The following NEK6 variants were observed in gnomAD, a reference collection of about 807,000 sequenced individuals.
NEK6 encodes serine/threonine-protein kinase Nek6.
NEK6 carries 27 observed loss-of-function variants against 43.5 expected under a neutral mutation model. That is an observed-to-expected ratio of 0.62 (90% CI 0.46 to 0.86). The LOEUF (loss-of-function observed/expected upper bound fraction) is 0.86. Ranked by LOEUF, NEK6 falls within the 40% of genes least tolerant of loss-of-function variation. The probability of loss-of-function intolerance (pLI) is 0.00; values close to 1 mark genes in which losing one functional copy is unlikely to be tolerated. For missense variants in NEK6, 318 were observed against 414.4 expected, an observed-to-expected ratio of 0.77 and a Z score of 2.02; for synonymous variants, 167 against 164.1, an observed-to-expected ratio of 1.02 and a Z score of -0.14.
At chr9:124,300,667 C>T (rs748050713) in intron 1 of NEK6, among the ~76,000 whole-genome samples, 9 of 152,112 alleles carry the variant, frequency 5.9e-5, no homozygotes, top group Non-Finnish European at 1.2e-4. Flanking sequence ...ACCAGAGGTT[C>T]CTTCTCAGAC....
At chr9:124,307,284 T>A (rs1833302033) in intron 2 of NEK6, among the ~76,000 whole-genome samples, 1 of 152,134 alleles carries the variant, frequency 6.6e-6, no homozygotes, top group African/African-American at 2.4e-5. Context: ...GGGGGGTAGC[T>A]ATAGTGGTCT....
At chr9:124,282,049 G>A (rs950741265) in intron 1 of NEK6, among the ~76,000 whole-genome samples, 7 of 152,210 alleles carry the variant, frequency 4.6e-5, no homozygotes, top group Admixed American at 2.0e-4. Context: ...CCTGGTGTGC[G>A]GTGGGGCGTA....
chr9:124,308,185 A>G (rs1398454708), intron 2 of NEK6, among the ~76,000 whole-genome samples: 1 of 152,338 alleles, frequency 6.6e-6, no homozygotes, highest in Admixed American at 6.5e-5. Context: ...GGGAAGTGGC[A>G]GAATTGAGGT....
At chr9:124,335,882 G>A (rs1564656929) in intron 7 of NEK6, among the ~76,000 whole-genome samples, 1 of 152,234 alleles carries the variant, frequency 6.6e-6, no homozygotes, top group Non-Finnish European at 1.5e-5. Flanking sequence ...GACCAATGTG[G>A]GAGGATCGCT....
chr9:124,289,087 C>A (rs1832284904), intron 1 of NEK6, among the ~76,000 whole-genome samples: 1 of 151,558 alleles, frequency 6.6e-6, no homozygotes, highest in Admixed American at 6.6e-5. Flanking sequence ...CTTAAGTGAT[C>A]CTTCCATCTC....
chr9:124,336,687 G>A (rs144480647), intron 7 of NEK6, among the ~76,000 whole-genome samples: 1 of 152,268 alleles, frequency 6.6e-6, no homozygotes, highest in East Asian at 1.9e-4. Context: ...CCAGGCCAGT[G>A]AAAATGTTCT....
intron 3 of NEK6, among the ~76,000 whole-genome samples, chr9:124,313,662 G>A (rs547051723): frequency 1.3e-5 from 2 of 152,246 alleles, no homozygotes; most frequent in Non-Finnish European, 2.9e-5. Context: ...TGCCTGGCCC[G>A]CCCTCTCCAT....
chr9:124,258,416 G>C (rs866897490), intron 1 of NEK6: 15 of 908,250 alleles, frequency 1.7e-5, no homozygotes, highest in Non-Finnish European at 2.0e-5. Context: ...TCCCGAGTGG[G>C]GACGACGGGC....
In NEK6 at chr9:124,275,606, C is replaced by T. The variant is rs575635622; in HGVS notation, c.-30+17521C>T. Among the ~76,000 whole-genome samples, 1 of 152,224 alleles carries T rather than the reference C, an allele frequency of 6.6e-6. No homozygotes were observed. The highest frequency in any genetic ancestry group is 1.5e-5 in the Non-Finnish European group (1 of 68,034). On this transcript the variant is annotated intron_variant, in intron 1 of 9. Coordinates refer to ENST00000320246, the MANE Select transcript of NEK6 (RefSeq NM_014397.6). The surrounding 1 kb of genome is among the most constrained non-coding windows in gnomAD (Gnocchi z 4.4). ...CTGCTTAGAAACCCCTGCTTGGTGC[C>T]TCCATAGCCCCTTCTGCATCTTCCC... is the stretch of plus-strand genomic sequence containing the variant.
At chr9:124,315,273 A>C (rs1833757292) in intron 4 of NEK6, among the ~76,000 whole-genome samples, 1 of 152,210 alleles carries the variant, frequency 6.6e-6, no homozygotes, top group Admixed American at 6.5e-5. Flanking sequence ...GGCCGAAGTG[A>C]GCCTTCTTCC....
intron 1 of NEK6, among the ~76,000 whole-genome samples, chr9:124,293,384 C>T (rs1005013645): frequency 6.6e-6 from 1 of 152,184 alleles, no homozygotes; most frequent in South Asian, 2.1e-4. Context: ...AGGCTGGGAG[C>T]GGACCCAGCC....
chr9:124,347,642 T>G (rs1336739097), intron 8 of NEK6, 67 bp from the exon 9 acceptor site: 5 of 1,020,676 alleles, frequency 4.9e-6, no homozygotes, highest in East Asian at 2.6e-5. Flanking sequence ...TGGAGCAGCC[T>G]CCTCCTCTCT....
intron 1 of NEK6, among the ~76,000 whole-genome samples, chr9:124,299,425 A>G (rs1001080014): frequency 1.3e-5 from 2 of 152,106 alleles, no homozygotes; most frequent in African/African-American, 4.8e-5. Context: ...TCTCTCTCAT[A>G]TTCCCCCTAA....
chr9:124,310,105 A>G (rs536337234), intron 2 of NEK6, among the ~76,000 whole-genome samples: 78 of 152,304 alleles, frequency 5.1e-4, no homozygotes, highest in Middle Eastern at 3.4e-3. Context: ...CCCACCCGAT[A>G]CGGAGCAAGA....
intron 9 of NEK6, among the ~76,000 whole-genome samples, chr9:124,348,333 C>T (rs892575619): frequency 6.6e-6 from 1 of 152,154 alleles, no homozygotes; most frequent in Admixed American, 6.5e-5. Flanking sequence ...CTGCGGGAGC[C>T]GTGGACACAG....
chr9:124,288,086 G>A (rs546495504), intron 1 of NEK6, among the ~76,000 whole-genome samples: 2 of 152,354 alleles, frequency 1.3e-5, no homozygotes, highest in Admixed American at 1.3e-4. Flanking sequence ...CCTCCCAAAA[G>A]GCGGATCCCC....
intron 4 of NEK6, 74 bp from the exon 5 acceptor site, chr9:124,321,385 G>A: frequency 4.4e-6 from 4 of 905,158 alleles, no homozygotes; most frequent in Non-Finnish European, 5.3e-6. Flanking sequence ...CCAGCAGGGT[G>A]CCGGTGGCAG....
chr9:124,320,671 G>C (rs1186137017), intron 4 of NEK6, among the ~76,000 whole-genome samples: 4 of 152,318 alleles, frequency 2.6e-5, no homozygotes, highest in Middle Eastern at 6.8e-3. Context: ...AGCCAGGGGG[G>C]CACCGTTCTG....
intron 4 of NEK6, among the ~76,000 whole-genome samples, chr9:124,317,379 A>G (rs1833870784): frequency 6.6e-6 from 1 of 152,122 alleles, no homozygotes; most frequent in South Asian, 2.1e-4. Flanking sequence ...ACACCCGGCT[A>G]ATTTTTGTGT....
Sources: allele counts gnomAD v4.1 joint callset (sites outside exome capture counted in the v4.1 genomes callset), GRCh38; gene constraint gnomAD v4.1.1; non-coding constraint Gnocchi (gnomAD v3.1); transcripts MANE v1.5; gene names NCBI Gene and HGNC (gene_info 2026-07-23, HGNC 2026-07-21).